Variants in ZNF66 observed in about 807,000 individuals in gnomAD.
ZNF66 encodes putative zinc finger protein 66.
In ZNF66, 32 loss-of-function variants were observed where a neutral mutation model predicts 35.2. The ratio of observed to expected loss-of-function variants is 0.91; its 90% CI spans 0.69 to 1.22. The LOEUF (loss-of-function observed/expected upper bound fraction) is 1.22. ZNF66 is among the 50% of genes most tolerant of loss of function. The pLI is 0.00. For missense variants in ZNF66, 666 were observed against 543.1 expected (o/e 1.23, Z -2.25); for synonymous variants, 231 against 181.3 (o/e 1.27, Z -2.20).
At position 20,793,887 on chromosome 19, in the gene ZNF66, G is replaced by A. The variant is rs1261198294; in HGVS notation, c.226+9G>A. ...GGTAGCCAACCCCTCAGGTAGGTGT[G>A]AGTGAAAATGAATACAACAGACAAC... On this transcript the variant is annotated intron_variant, in intron 3 of 3. Coordinates refer to ENST00000344519, the MANE Select transcript of ZNF66 (RefSeq NM_001355197.2). 9.0e-7 allele frequency: 1 copy of A among 1,107,746 alleles called. No individual in the cohort carries two copies. Among genetic ancestry groups the A allele is most frequent in the African/African-American group, 1.6e-5 (1 of 61,248 alleles). The allele number at this position is 1,107,746 out of a possible 1,614,324, so 68.6% of individuals were successfully genotyped here.
At chr19:20,782,790 T>A (rs181048906) in intron 1 of ZNF66, among the ~76,000 whole-genome samples, 187 of 151,858 alleles carry the variant, frequency 1.2e-3, no homozygotes, top group African/African-American at 4.1e-3. Flanking sequence ...AGGCAAAGTT[T>A]GCAAATATTT....
intron 3 of ZNF66, among the ~76,000 whole-genome samples, chr19:20,802,067 G>A (rs778404774): frequency 6.6e-6 from 1 of 151,986 alleles, no homozygotes; most frequent in Non-Finnish European, 1.5e-5. Flanking sequence ...GCTGCCTTCT[G>A]TTTTATTGGT....
In ZNF66 at chr19:20,776,333, GTC is replaced by G; in HGVS notation, c.-113_-112del. On this transcript the variant is annotated 5_prime_UTR_variant, in exon 1 of 4. Transcript: ENST00000344519. ...CTCCCTGCAGCTGGAGCTCCAGGTC[GTC>G]TGTTCACTGCTCTCTGTCTTCTTCT... 1.4e-6 allele frequency: 2 copies of G among 1,448,540 alleles called. No homozygotes were observed. Among genetic ancestry groups the G allele is most frequent in the Non-Finnish European group, 1.9e-6 (2 of 1,033,168 alleles). The allele number at this position is 1,448,540 out of a possible 1,614,324, so 89.7% of individuals were successfully genotyped here.
chr19:20,794,905 CT>C (rs1454894889), intron 3 of ZNF66, among the ~76,000 whole-genome samples: 1 of 132,622 alleles, frequency 7.5e-6, no homozygotes, highest in Non-Finnish European at 1.6e-5. Context: ...GGCTTTCACT[CT>C]TTTTGCCCAG....
chr19:20,803,287 T>C (rs1193071582), intron 3 of ZNF66, among the ~76,000 whole-genome samples: 1 of 150,254 alleles, frequency 6.7e-6, no homozygotes, highest in Admixed American at 6.7e-5. Flanking sequence ...TCTTGTGTCT[T>C]TGTCTCTCAT....
At position 20,797,349 on chromosome 19, in the gene ZNF66, G is replaced by A. The variant is rs372983814; in HGVS notation, c.226+3471G>A. ...AGCCTCCCGAGTAGCTGGGACTACA[G>A]GCGCCCGCCACCTCGCCCGGCTAAT... On this transcript the variant is annotated intron_variant, in intron 3 of 3. Transcript: ENST00000344519. 1.9e-3 allele frequency among the ~76,000 whole-genome samples: 261 copies of A among 139,122 alleles called. 24 individuals are homozygous for A. Among genetic ancestry groups the A allele is most frequent in the Middle Eastern group, 3.6e-3 (1 of 278 alleles). The allele number at this position is 139,122 out of a possible 152,430, so 91.3% of individuals were successfully genotyped here.
Position 20,806,450 on chromosome 19 carries a change from C to T in ZNF66, c.850C>T (p.Pro284Ser), listed in dbSNP as rs765048602. 1.9e-6 allele frequency: 3 copies of T among 1,544,964 alleles called. No individual in the cohort carries two copies. Among genetic ancestry groups the T allele is most frequent in the Non-Finnish European group, 2.7e-6 (3 of 1,117,682 alleles). The change falls in exon 4 of 4, where the codon CCC (proline) becomes TCC (serine). Residue 284 changes from proline (P) to serine (S), a missense_variant. Physicochemically the swap from Pro to Ser is moderately conservative, Grantham distance 74 (BLOSUM62 -1). Coordinates refer to ENST00000344519, the MANE Select transcript of ZNF66 (RefSeq NM_001355197.2). ...THKRIHTGEKPYKCEECGKVF... is the reference protein window; with the variant it reads ...THKRIHTGEKSYKCEECGKVF... ...TAAGAGAATTCATACTGGAGAGAAA[C>T]CCTACAAATGTGAAGAATGTGGCAA...
At chr19:20,796,973 C>T (rs867505433) in intron 3 of ZNF66, among the ~76,000 whole-genome samples, 1 of 152,068 alleles carries the variant, frequency 6.6e-6, no homozygotes, top group Non-Finnish European at 1.5e-5. Flanking sequence ...GCCTCAGTCT[C>T]TCAAGTAGCT....
At chr19:20,798,333 T>C (rs1373905288) in intron 3 of ZNF66, among the ~76,000 whole-genome samples, 2 of 152,048 alleles carry the variant, frequency 1.3e-5, no homozygotes, top group African/African-American at 4.8e-5. Flanking sequence ...TGGTGGTGGC[T>C]CTGATCTGTA....
chr19:20,781,680 G>A (rs1470740062), intron 1 of ZNF66, among the ~76,000 whole-genome samples: 1 of 151,796 alleles, frequency 6.6e-6, no homozygotes, highest in Non-Finnish European at 1.5e-5. Flanking sequence ...AGCTAATTTT[G>A]TATTTTTAAT....
At position 20,808,783 on chromosome 19, in the gene ZNF66, G is replaced by C. The variant is rs1476824813; in HGVS notation, c.*1461G>C. On this transcript the variant is annotated 3_prime_UTR_variant, in exon 4 of 4. Transcript: ENST00000344519. ...GAAAAACTGGAAAGTCTAAAAAGCA[G>C]AGCACCTCTCCTCCTCCAAAGGAAC... 1.3e-5 allele frequency among the ~76,000 whole-genome samples: 2 copies of C among 150,438 alleles called. No homozygotes were observed. The highest frequency in any genetic ancestry group is 3.9e-4 in the East Asian group (2 of 5,182).
intron 3 of ZNF66, chr19:20,799,061 C>CTTTTTTTTTTTTTTTTTTTTTTTT (rs374547894): frequency 8.6e-6 from 1 of 116,702 alleles, no homozygotes; most frequent in Non-Finnish European, 1.8e-5. Context: ...CTTTTTCTTT[C>CTTTTTTTTTTTTTTTTTTTTTTTT]TTTCTTTTTT....
intron 3 of ZNF66, among the ~76,000 whole-genome samples, chr19:20,795,845 TCTGA>T (rs1218092347): frequency 6.6e-6 from 1 of 152,144 alleles, no homozygotes; most frequent in African/African-American, 2.4e-5. Flanking sequence ...TCTGCCAGAC[TCTGA>T]CTGGGAGGAG....
At position 20,808,483 on chromosome 19, in the gene ZNF66, A is replaced by T. The variant is rs1415072719; in HGVS notation, c.*1161A>T. ...AGACTGACACTTCACACGGCTGGGT[A>T]CTCCTCATATAAAACTTCCAGAGGA... On this transcript the variant is annotated 3_prime_UTR_variant, in exon 4 of 4. Transcript: ENST00000344519. Among the ~76,000 whole-genome samples, 11 of 152,008 alleles carry T rather than the reference A, an allele frequency of 7.2e-5. No homozygotes were observed. Among genetic ancestry groups the T allele is most frequent in the Non-Finnish European group, 1.6e-4 (11 of 67,994 alleles).
In ZNF66 at chr19:20,807,464, A is replaced by G; in HGVS notation, c.*142A>G. 5.6e-6 allele frequency: 3 copies of G among 532,904 alleles called. No homozygotes were observed. The highest frequency in any genetic ancestry group is 9.9e-6 in the Non-Finnish European group (3 of 301,848). 33.0% of individuals were successfully genotyped at this position (532,904 alleles called of 1,614,324 possible). A position where few individuals can be genotyped will look rare whatever the true frequency, so the allele number is the denominator to read the frequency against. ...TATGGAACACAAACACTACAAATATAAAGAATGTGACAAAGCTTTTAGGAA... is the reference window on the plus strand; with the variant it reads ...TATGGAACACAAACACTACAAATATGAAGAATGTGACAAAGCTTTTAGGAA... On this transcript the variant is annotated 3_prime_UTR_variant, in exon 4 of 4. Coordinates refer to ENST00000344519, the MANE Select transcript of ZNF66 (RefSeq NM_001355197.2).
At position 20,799,730 on chromosome 19, in the gene ZNF66, G is replaced by A. The variant is rs191377545; in HGVS notation, c.226+5852G>A. Among the ~76,000 whole-genome samples, 166 of 152,238 alleles carry A rather than the reference G, an allele frequency of 1.1e-3. 1 individual carries two copies. Among genetic ancestry groups the A allele is most frequent in the African/African-American group, 3.7e-3 (153 of 41,536 alleles). On this transcript the variant is annotated intron_variant, in intron 3 of 3. Coordinates refer to ENST00000344519, the MANE Select transcript of ZNF66 (RefSeq NM_001355197.2). ...ATTTTGTATGCATGGCAACTCTGTG[G>A]AAGATCATTTGATCATATACAGAAC...
At chr19:20,778,380 G>A (rs1451725693) in intron 1 of ZNF66, among the ~76,000 whole-genome samples, 8 of 152,160 alleles carry the variant, frequency 5.3e-5, no homozygotes, top group African/African-American at 9.7e-5. Context: ...GATTAGAGGC[G>A]TGAGCCACAG....
intron 1 of ZNF66, among the ~76,000 whole-genome samples, chr19:20,777,992 C>T (rs1971211512): frequency 6.6e-6 from 1 of 152,134 alleles, no homozygotes; most frequent in Non-Finnish European, 1.5e-5. Flanking sequence ...TAAATTTTTT[C>T]TATATCCTTT....
chr19:20,790,237 A>C (rs1971323888), intron 1 of ZNF66, among the ~76,000 whole-genome samples: 1 of 152,258 alleles, frequency 6.6e-6, no homozygotes, highest in African/African-American at 2.4e-5. Flanking sequence ...CAATTTGCAG[A>C]AATCTCTTGT....
Sources: allele counts gnomAD v4.1 joint callset (sites outside exome capture counted in the v4.1 genomes callset), GRCh38; gene constraint gnomAD v4.1.1; transcripts MANE v1.5; gene names NCBI Gene and HGNC (gene_info 2026-07-23, HGNC 2026-07-21).